PIN4: variants seen among roughly 807,000 people sequenced by gnomAD.
PIN4 encodes peptidyl-prolyl cis-trans isomerase NIMA-interacting 4.
A neutral mutation model predicts 8.3 loss-of-function variants in PIN4; 3 were observed. The observed-to-expected ratio is 0.36, with a 90% CI of 0.16 to 0.93. PIN4 has a LOEUF of 0.93. PIN4 is among the 40% of genes least tolerant of loss of function. PIN4 has a pLI of 0.44. For missense variants in PIN4, 75 were observed against 100.6 expected (o/e 0.75, Z 1.09); for synonymous variants, 18 against 32.5 (o/e 0.55, Z 1.52).
At chrX:72,240,107 A>G (rs1305773313) in intron 3 of PIN4, among the ~76,000 whole-genome samples, 1 of 110,755 alleles carries the variant, frequency 9.0e-6, no homozygotes, top group Non-Finnish European at 1.9e-5. Context: ...AAAAAAAATT[A>G]AAGTTCTTAT....
intron 3 of PIN4, among the ~76,000 whole-genome samples, chrX:72,259,761 C>G (rs1469576578): frequency 3.5e-5 from 3 of 85,052 alleles, no homozygotes; most frequent in Non-Finnish European, 6.7e-5. Flanking sequence ...GACAGAGTCT[C>G]GCTCTATTGC....
chrX:72,261,315 AC>A (rs1251418330), intron 3 of PIN4, among the ~76,000 whole-genome samples: 3 of 107,249 alleles, frequency 2.8e-5, no homozygotes, highest in African/African-American at 1.0e-4. Flanking sequence ...AAAAAAAAAA[AC>A]CAAAATCTGG....
chrX:72,239,153 G>T (rs746457352), intron 3 of PIN4: 60 of 386,584 alleles, frequency 1.6e-4, no homozygotes, highest in Middle Eastern at 7.2e-4. Context: ...GCCTACGCGC[G>T]CCGGGAAGCA....
intron 1 of PIN4, among the ~76,000 whole-genome samples, chrX:72,185,155 A>AAAAAAAAAAAC (rs1462836853): frequency 4.8e-5 from 5 of 103,802 alleles, no homozygotes; most frequent in Non-Finnish European, 9.9e-5. Context: ...CTCAAAAAAA[A>AAAAAAAAAAAC]AAAAAAAAAA....
At position 72,194,458 on chromosome X, in the gene PIN4, G is replaced by A. The variant is rs184811997; in HGVS notation, c.118-2327G>A. 9.4e-3 allele frequency among the ~76,000 whole-genome samples: 1,025 copies of A among 109,304 alleles called. 13 individuals carry two copies. The highest frequency in any genetic ancestry group is 0.032 in the African/African-American group (964 of 29,924). 94.9% of individuals were successfully genotyped at this position (109,304 alleles called of 115,157 possible). A position where few individuals can be genotyped will look rare whatever the true frequency, so the allele number is the denominator to read the frequency against. On this transcript the variant is annotated intron_variant, in intron 2 of 3. Transcript: ENST00000373669. ...TGAGGCAGGAGAATCACTTGAACCC[G>A]GGAGAGGGAGGTTGCAGTGAGCTGA... is the stretch of plus-strand genomic sequence containing the variant.
intron 2 of PIN4, among the ~76,000 whole-genome samples, chrX:72,191,570 CT>C (rs2042734149): frequency 9.0e-6 from 1 of 111,349 alleles, no homozygotes; most frequent in Non-Finnish European, 1.9e-5. Flanking sequence ...AAACGAAAAA[CT>C]TTTCTAGAAT....
chrX:72,255,509 C>CCTTCCCGCCCCT (rs1369391231), intron 3 of PIN4, among the ~76,000 whole-genome samples: 3 of 109,350 alleles, frequency 2.7e-5, no homozygotes, highest in Non-Finnish European at 3.8e-5. Flanking sequence ...TTTCCTGCCG[C>CCTTCCCGCCCCT]CTTCCCGCCC....
intron 3 of PIN4, among the ~76,000 whole-genome samples, chrX:72,203,757 C>G (rs1036392207): frequency 1.8e-5 from 2 of 111,866 alleles, no homozygotes; most frequent in Non-Finnish European, 3.8e-5. Flanking sequence ...AATGGAAATG[C>G]TATTCTCCCT....
intron 2 of PIN4, among the ~76,000 whole-genome samples, chrX:72,187,306 C>G (rs2042708563): frequency 9.0e-6 from 1 of 111,558 alleles, no homozygotes; most frequent in South Asian, 3.7e-4. Context: ...TAACCTAGCC[C>G]CAGAGGAGTA....
intron 3 of PIN4, among the ~76,000 whole-genome samples, chrX:72,212,485 T>C (rs2042861481): frequency 9.0e-6 from 1 of 111,481 alleles, no homozygotes; most frequent in Non-Finnish European, 1.9e-5. Flanking sequence ...CCATAAGCCA[T>C]ACTATTAGAC....
chrX:72,224,638 C>T (rs913337452), intron 3 of PIN4, among the ~76,000 whole-genome samples: 5 of 111,068 alleles, frequency 4.5e-5, no homozygotes, highest in Non-Finnish European at 9.4e-5. Flanking sequence ...CCCAGCTACT[C>T]GGAGGCTGAG....
At chrX:72,205,323 T>A in intron 3 of PIN4, 1 of 1,211,947 alleles carries the variant, frequency 8.3e-7, no homozygotes, top group Non-Finnish European at 1.1e-6. Flanking sequence ...ACAGTGTTTC[T>A]CCGGAAGGAT....
Position 72,197,655 on chromosome X carries a change from A to G in PIN4, c.*129A>G, listed in dbSNP as rs2042773821. The G allele has an allele frequency of 9.4e-7, 1 of 1,066,602 alleles. No homozygotes were observed. Among genetic ancestry groups the G allele is most frequent in the Admixed American group, 3.8e-5 (1 of 26,445 alleles). The allele number at this position is 1,066,602 out of a possible 1,213,427, so 87.9% of individuals were successfully genotyped here. On this transcript the variant is annotated 3_prime_UTR_variant, in exon 4 of 4. Transcript: ENST00000373669. ...AGAAAAGATATTGGATGCTCCTTGTATTCTGTGAAAGCTCTAAGTATGGGT... is the reference window on the plus strand; with the variant it reads ...AGAAAAGATATTGGATGCTCCTTGTGTTCTGTGAAAGCTCTAAGTATGGGT...
intron 1 of PIN4, among the ~76,000 whole-genome samples, chrX:72,184,791 G>A (rs2042690870): frequency 9.0e-6 from 1 of 111,304 alleles, no homozygotes; most frequent in African/African-American, 3.3e-5. Flanking sequence ...TTGTGTGCCA[G>A]GCATTGTGCT....
At chrX:72,205,745 C>T (rs747976435) in intron 3 of PIN4, 2 of 1,211,444 alleles carry the variant, frequency 1.7e-6, no homozygotes, top group East Asian at 3.0e-5. Flanking sequence ...TCTGGTTCAT[C>T]GTCTTTCTCA....
chrX:72,186,492 C>T lies in PIN4; in HGVS notation c.75C>T (p.Asp25=), dbSNP rs1184254268. Residue 25 remains aspartate (D), a synonymous_variant, in exon 2 of 4, where the codon GAC becomes GAT. Transcript: ENST00000373669. ...CAGCCTCTGGGAGTGACAGTGCTGA[C>T]AAGAAGGCTCAAGGTCCCAAAGGTG... The part of the protein sequence containing the change: ...GGAASGSDSA[D]KKAQGPKGGG... 1 of 1,199,438 alleles carries T rather than the reference C, an allele frequency of 8.3e-7. No homozygotes were observed. Among genetic ancestry groups the T allele is most frequent in the Non-Finnish European group, 1.1e-6 (1 of 886,738 alleles).
chrX:72,202,668 AATG>A (rs1436577378), downstream of PIN4, among the ~76,000 whole-genome samples: 3 of 111,713 alleles, frequency 2.7e-5, no homozygotes, highest in African/African-American at 9.8e-5. Context: ...TTTCAAAAAT[AATG>A]ATATATATTC....
intron 3 of PIN4, among the ~76,000 whole-genome samples, chrX:72,231,483 T>C (rs1166616640): frequency 9.0e-6 from 1 of 111,428 alleles, no homozygotes; most frequent in Non-Finnish European, 1.9e-5. Context: ...TAGGTTCTAG[T>C]GATCTACTGC....
At chrX:72,241,881 A>T (rs932376052) in intron 3 of PIN4, among the ~76,000 whole-genome samples, 1 of 111,671 alleles carries the variant, frequency 9.0e-6, no homozygotes, top group East Asian at 2.8e-4. Context: ...GGAGCTAAGG[A>T]TGAGTTGAGA....
Sources: allele counts gnomAD v4.1 joint callset (sites outside exome capture counted in the v4.1 genomes callset), GRCh38; gene constraint gnomAD v4.1.1; transcripts MANE v1.5; gene names NCBI Gene and HGNC (gene_info 2026-07-23, HGNC 2026-07-21).